FLYWCH1: variants seen among roughly 807,000 people sequenced by gnomAD.
FLYWCH1 encodes FLYWCH-type zinc finger 1, also known as FLYWCH-type zinc finger-containing protein 1.
A neutral mutation model predicts 66.4 loss-of-function variants in FLYWCH1; 75 were observed. The observed-to-expected ratio is 1.13, with a 90% CI of 0.94 to 1.37. The LOEUF is 1.37. FLYWCH1 is among the 40% of genes most tolerant of loss of function. The probability of loss-of-function intolerance (pLI) is 0.00; values close to 1 mark genes in which losing one functional copy is unlikely to be tolerated. For synonymous variants in FLYWCH1, 595 were observed against 429.9 expected, an observed-to-expected ratio of 1.38 and a Z score of -4.75; for missense variants, 1,334 against 1,001.8, an observed-to-expected ratio of 1.33 and a Z score of -4.48.
intron 2 of FLYWCH1, among the ~76,000 whole-genome samples, chr16:2,919,896 C>A (rs76093371): frequency 0.047 from 7,107 of 152,174 alleles, 261 homozygotes; most frequent in Non-Finnish European, 0.073. Context: ...TGCGCTTCCC[C>A]CGTGACGGGT....
Position 2,933,481 on chromosome 16 carries a change from T to C in FLYWCH1, c.1148T>C (p.Leu383Pro), listed in dbSNP as rs372562253. 44 of 1,606,310 alleles carry C rather than the reference T, an allele frequency of 2.7e-5. 1 individual carries two copies. The highest frequency in any genetic ancestry group is 2.2e-4 in the East Asian group (10 of 44,554). ...CGCAGGGGTCCGGGTCCCCTGACTC[T>C]CACCAGGCCTCGGCCCAGAAAGCGA... ...LYRRGPGPLTLTRPRPRKRAK... is the reference protein window; with the variant it reads ...LYRRGPGPLTPTRPRPRKRAK... The change falls in exon 5 of 10, where the codon CTC becomes CCC. Residue 383 changes from leucine to proline, a missense_variant. Coordinates refer to ENST00000253928, the MANE Select transcript of FLYWCH1 (RefSeq NM_001308068.2).
At chr16:2,918,480 G>A (rs2070252959) in intron 2 of FLYWCH1, among the ~76,000 whole-genome samples, 1 of 147,122 alleles carries the variant, frequency 6.8e-6, no homozygotes, top group African/African-American at 2.5e-5. Context: ...TGCTCTTGTT[G>A]CCCAGGCTGG....
chr16:2,921,402 T>C (rs2070370592), intron 2 of FLYWCH1, among the ~76,000 whole-genome samples: 1 of 152,014 alleles, frequency 6.6e-6, no homozygotes, highest in South Asian at 2.1e-4. Context: ...GCTCCCTTTC[T>C]CTGGACAGGG....
intron 1 of FLYWCH1, among the ~76,000 whole-genome samples, chr16:2,913,865 A>AG (rs1359242290): frequency 9.7e-6 from 1 of 103,236 alleles, no homozygotes; most frequent in East Asian, 2.3e-4. Flanking sequence ...CTTTAAAAAA[A>AG]AATTTTTTTA....
chr16:2,944,564 T>C (rs960462822), intron 9 of FLYWCH1, among the ~76,000 whole-genome samples: 3 of 152,126 alleles, frequency 2.0e-5, no homozygotes, highest in African/African-American at 7.2e-5. Context: ...GGCTCACACC[T>C]ATAATCCCAG....
At chr16:2,922,533 C>A (rs11865663) in intron 2 of FLYWCH1, 25,271 of 270,362 alleles carry the variant, frequency 0.093, 1,537 homozygotes, top group East Asian at 0.21. Flanking sequence ...TTTGACTGCC[C>A]TGGGGACCTC....
rs550981321 is a variant in FLYWCH1 at position 2,947,835 on chromosome 16, C to G, written c.2112-853C>G. ...ATCACATGAGTTCAGGAGTTCGAGA[C>G]CAGCTTGAGCAACACAGGGAGAACC... On this transcript the variant is annotated intron_variant, in intron 9 of 9. Transcript: ENST00000253928. Among the ~76,000 whole-genome samples, 3 of 151,242 alleles carry G rather than the reference C, an allele frequency of 2.0e-5. No homozygotes were observed. In the South Asian group the frequency reaches 6.3e-4, roughly 32 times the overall value.
intron 6 of FLYWCH1, chr16:2,936,058 C>A (rs986751340): frequency 5.1e-5 from 12 of 234,192 alleles, no homozygotes; most frequent in African/African-American, 2.8e-4. Context: ...TACAGGTGCA[C>A]ACCACCACGC....
chr16:2,913,892 C>T (rs1269161938), intron 1 of FLYWCH1, among the ~76,000 whole-genome samples: 3 of 151,838 alleles, frequency 2.0e-5, no homozygotes, highest in Non-Finnish European at 4.4e-5. Flanking sequence ...ATGGTGGGGG[C>T]GAGGGGCAGG....
At chr16:2,923,446 A>G (rs1018334228) in intron 2 of FLYWCH1, among the ~76,000 whole-genome samples, 6 of 151,904 alleles carry the variant, frequency 3.9e-5, no homozygotes, top group African/African-American at 7.3e-5. Context: ...GGGCTTGCCT[A>G]TGTTGGCCAG....
chr16:2,925,370 C>G (rs1391124923), intron 2 of FLYWCH1, among the ~76,000 whole-genome samples: 1 of 152,110 alleles, frequency 6.6e-6, no homozygotes, highest in Admixed American at 6.5e-5. Flanking sequence ...TCATGCTGTC[C>G]TGCCTCGTCC....
chr16:2,937,074 C>A (rs969628793), intron 6 of FLYWCH1, 47 bp from the exon 7 acceptor site: 1 of 1,541,688 alleles, frequency 6.5e-7, no homozygotes, highest in Non-Finnish European at 8.7e-7. Flanking sequence ...CTGATCTGGG[C>A]TCTGAGAGCT....
Position 2,933,467 on chromosome 16 carries a change from G to A in FLYWCH1, c.1134G>A (p.Pro378=), listed in dbSNP as rs370466962. ...GVDSLLYRRG[P]GPLTLTRPRP... is the part of the protein sequence containing the mutation. ...ATAGTTTGCTCTACCGCAGGGGTCC[G>A]GGTCCCCTGACTCTCACCAGGCCTC... The change falls in exon 5 of 10, where the codon CCG becomes CCA. Residue 378 remains proline, a synonymous_variant. Coordinates refer to ENST00000253928, the MANE Select transcript of FLYWCH1 (RefSeq NM_001308068.2). 2.1e-4 allele frequency: 336 copies of A among 1,603,200 alleles called. No homozygotes were observed. Among genetic ancestry groups the A allele is most frequent in the Non-Finnish European group, 2.0e-4 (239 of 1,175,696 alleles).
chr16:2,927,431 A>G (rs1486956132), intron 2 of FLYWCH1, among the ~76,000 whole-genome samples: 1 of 152,202 alleles, frequency 6.6e-6, no homozygotes, highest in African/African-American at 2.4e-5. Context: ...AAGGAGTTAA[A>G]CAATATGGAC....
In FLYWCH1 at chr16:2,930,364, T is replaced by C. The variant is rs76343455; in HGVS notation, c.326-46T>C. 9.5e-3 allele frequency: 11,958 copies of C among 1,257,068 alleles called. 762 individuals carry two copies. The African/African-American group carries it at 0.15, about 16-fold the overall frequency. The allele number at this position is 1,257,068 out of a possible 1,614,324, so 77.9% of individuals were successfully genotyped here. A position where few individuals can be genotyped will look rare whatever the true frequency, so the allele number is the denominator to read the frequency against. Reference sequence around the variant, plus strand: ...CCCTGGCTCTCTGTGCCTGCGACCCTGAGCTTTGCTCTAGCTTAGCTAACC... The same window carrying C: ...CCCTGGCTCTCTGTGCCTGCGACCCCGAGCTTTGCTCTAGCTTAGCTAACC... On this transcript the variant is annotated intron_variant, in intron 3 of 9. Transcript: ENST00000253928.
At chr16:2,913,929 C>T (rs922124435) in intron 1 of FLYWCH1, among the ~76,000 whole-genome samples, 6 of 152,068 alleles carry the variant, frequency 3.9e-5, no homozygotes, top group Non-Finnish European at 8.8e-5. Context: ...AGGCTGGTCT[C>T]GAACTCCTGG....
chr16:2,937,624 G>T (rs908652466), intron 7 of FLYWCH1, among the ~76,000 whole-genome samples: 1 of 152,142 alleles, frequency 6.6e-6, no homozygotes, highest in Admixed American at 6.5e-5. Flanking sequence ...TAGAGGAAGA[G>T]GATGGTGGCC....
intron 2 of FLYWCH1, among the ~76,000 whole-genome samples, chr16:2,923,800 G>A (rs1157562972): frequency 6.6e-6 from 1 of 152,094 alleles, no homozygotes; most frequent in Non-Finnish European, 1.5e-5. Context: ...CACTTTGGAA[G>A]GCTGAGGCGG....
chr16:2,927,913 T>C (rs942090735), intron 2 of FLYWCH1, among the ~76,000 whole-genome samples: 1 of 152,258 alleles, frequency 6.6e-6, no homozygotes, highest in African/African-American at 2.4e-5. Flanking sequence ...TCAGTATTTA[T>C]TGATGACTAT....
Sources: allele counts gnomAD v4.1 joint callset (sites outside exome capture counted in the v4.1 genomes callset), GRCh38; gene constraint gnomAD v4.1.1; transcripts MANE v1.5; gene names NCBI Gene and HGNC (gene_info 2026-07-23, HGNC 2026-07-21).